KCNIP4: variants seen among roughly 807,000 people sequenced by gnomAD.
KCNIP4 encodes the protein potassium voltage-gated channel interacting protein 4, also known as Kv channel-interacting protein 4.
In KCNIP4, 12 loss-of-function variants were observed where a neutral mutation model predicts 34.0. That is an observed-to-expected ratio of 0.35 (90% CI 0.23 to 0.57). KCNIP4 has a LOEUF of 0.57. KCNIP4 is among the 20% of genes least tolerant of loss of function. The pLI is 0.83. For synonymous variants in KCNIP4, 124 were observed against 102.2 expected (o/e 1.21, Z -1.29); for missense variants, 238 against 311.7 (o/e 0.76, Z 1.78).
Position 21,503,607 on chromosome 4 carries a change from C to A in KCNIP4, c.61+444964G>T, listed in dbSNP as rs568244678. 1.3e-5 allele frequency among the ~76,000 whole-genome samples: 2 copies of A among 151,950 alleles called. 1 individual carries two copies. Among genetic ancestry groups the A allele is most frequent in the Admixed American group, 1.3e-4 (2 of 15,280 alleles). ...TTGGGATCTTTTTTTTTCTTTTCAC[C>A]AAAGGTAGTCAGTGGCTGAAATGTC... is the stretch of plus-strand genomic sequence containing the variant. On this transcript the variant is annotated intron_variant, in intron 1 of 8. Coordinates refer to ENST00000382152, the MANE Select transcript of KCNIP4 (RefSeq NM_025221.6).
intron 1 of KCNIP4, chr4:21,304,071 G>GAGAGAGAGAGAC: frequency 3.0e-6 from 1 of 336,726 alleles, no homozygotes. Flanking sequence ...GAGAGAGACA[G>GAGAGAGAGAGAC]AGAGAGAGAG....
intron 1 of KCNIP4, among the ~76,000 whole-genome samples, chr4:21,710,423 G>A (rs529281526): frequency 2.0e-5 from 3 of 152,284 alleles, no homozygotes; most frequent in South Asian, 2.1e-4. Flanking sequence ...AGGAAAATCA[G>A]TCAGGGAACA....
chr4:21,423,911 G>A (rs985204096), intron 1 of KCNIP4, among the ~76,000 whole-genome samples: 6 of 151,396 alleles, frequency 4.0e-5, no homozygotes, highest in Middle Eastern at 3.4e-3. Flanking sequence ...GGGTTCAAGC[G>A]ATTCTCCTGC....
rs1465021826 is a variant in KCNIP4, at chr4:20,900,876, G to C, written c.62-18167C>G. On this transcript the variant is annotated intron_variant, in intron 1 of 8. Transcript: ENST00000382152. ...CTGGAGAAAGCAATATTGTGTTCTC[G>C]AGCTAAAATTTCATAGGAAGCTTTT... Among the ~76,000 whole-genome samples the C allele has an allele frequency of 3.3e-5, 5 of 152,052 alleles. No homozygotes were observed. The South Asian group carries it at 8.3e-4, about 25-fold the overall frequency.
chr4:21,081,669 T>C (rs1031674452), intron 1 of KCNIP4, among the ~76,000 whole-genome samples: 13 of 151,894 alleles, frequency 8.6e-5, no homozygotes, highest in African/African-American at 2.4e-4. Context: ...TCTAGTATAA[T>C]ATTTTTATTT....
chr4:20,955,206 C>G (rs1214621193), intron 1 of KCNIP4, among the ~76,000 whole-genome samples: 3 of 152,170 alleles, frequency 2.0e-5, no homozygotes, highest in African/African-American at 7.2e-5. Flanking sequence ...TGACTAGCTT[C>G]TATGCCACTT....
intron 1 of KCNIP4, among the ~76,000 whole-genome samples, chr4:21,174,152 C>T (rs1560781492): frequency 6.6e-6 from 1 of 152,154 alleles, no homozygotes; most frequent in Admixed American, 6.5e-5. Flanking sequence ...TTTTGCCTCT[C>T]ATTTGAACAC....
chr4:21,637,388 C>G (rs1746266816), intron 1 of KCNIP4, among the ~76,000 whole-genome samples: 1 of 152,074 alleles, frequency 6.6e-6, no homozygotes, highest in Admixed American at 6.6e-5. Flanking sequence ...GGGTTTATGA[C>G]ATGACGAGCA....
chr4:21,894,246 G>C (rs563257710), intron 1 of KCNIP4, among the ~76,000 whole-genome samples: 2 of 152,144 alleles, frequency 1.3e-5, no homozygotes, highest in East Asian at 3.9e-4. Context: ...TGAGGCAGGA[G>C]GATCACTTGA....
At chr4:21,747,790 C>T (rs1178203272) in intron 1 of KCNIP4, among the ~76,000 whole-genome samples, 3 of 152,068 alleles carry the variant, frequency 2.0e-5, no homozygotes, top group African/African-American at 7.2e-5. Flanking sequence ...AGAATGTAAC[C>T]GTATTTGGAA....
intron 1 of KCNIP4, among the ~76,000 whole-genome samples, chr4:21,889,703 G>T (rs1726981688): frequency 6.6e-6 from 1 of 152,110 alleles, no homozygotes; most frequent in South Asian, 2.1e-4. Context: ...AAAAAACCTA[G>T]AACTAACAAT....
intron 1 of KCNIP4, among the ~76,000 whole-genome samples, chr4:21,397,865 G>A (rs1011909837): frequency 1.3e-5 from 2 of 149,418 alleles, no homozygotes; most frequent in African/African-American, 4.8e-5. Context: ...ATGGGTGATG[G>A]ACTATATGAT....
intron 1 of KCNIP4, among the ~76,000 whole-genome samples, chr4:20,974,110 C>T (rs961863863): frequency 1.1e-4 from 16 of 152,094 alleles, no homozygotes; most frequent in African/African-American, 3.9e-4. Flanking sequence ...TGTAAAAAGC[C>T]CATTATCTGC....
At chr4:21,355,441 T>A (rs1452504898) in intron 1 of KCNIP4, among the ~76,000 whole-genome samples, 3 of 151,904 alleles carry the variant, frequency 2.0e-5, no homozygotes, top group African/African-American at 7.3e-5. Flanking sequence ...AAGAATCAAA[T>A]AGACGCAATA....
intron 1 of KCNIP4, among the ~76,000 whole-genome samples, chr4:21,244,717 C>T (rs1017345586): frequency 3.3e-5 from 5 of 152,076 alleles, no homozygotes; most frequent in African/African-American, 9.7e-5. Context: ...TTCGTTGAAA[C>T]AATTAGAATA....
chr4:21,512,076 AGAAGGAAG>A lies in KCNIP4; in HGVS notation c.61+436487_61+436494del, dbSNP rs552706781. On this transcript the variant is annotated intron_variant, in intron 1 of 8. Transcript: ENST00000382152. ...AAGAATGAAGGAAGGAAGGAAGGAA[AGAAGGAAG>A]GAAGGAGGGAGGGAGGGAGGAAAAG... 2.3e-5 allele frequency among the ~76,000 whole-genome samples: 3 copies of A among 127,720 alleles called. 1 individual carries two copies. In the South Asian group the frequency reaches 7.7e-4, roughly 33 times the overall value. The allele number at this position is 127,720 out of a possible 152,430, so 83.8% of individuals were successfully genotyped here.
intron 1 of KCNIP4, among the ~76,000 whole-genome samples, chr4:21,715,269 C>T (rs1178249744): frequency 6.6e-6 from 1 of 151,306 alleles, no homozygotes; most frequent in Non-Finnish European, 1.5e-5. Context: ...GTACCTGGGA[C>T]TACAGGCGCC....
intron 1 of KCNIP4, among the ~76,000 whole-genome samples, chr4:21,043,353 G>T (rs6856517): frequency 0.13 from 19,915 of 152,030 alleles, 1,578 homozygotes; most frequent in African/African-American, 0.22. Context: ...TGTTTGAGAC[G>T]GAGTCTCACT....
At chr4:21,475,470 A>T (rs1222982487) in intron 1 of KCNIP4, among the ~76,000 whole-genome samples, 2 of 152,174 alleles carry the variant, frequency 1.3e-5, no homozygotes, top group Non-Finnish European at 2.9e-5. Flanking sequence ...CCCTCCACTC[A>T]CCGACTTTTC....
Sources: gnomAD v4.1 joint callset for allele counts (sites outside exome capture counted in the v4.1 genomes callset) on GRCh38, gnomAD v4.1.1 for gene constraint, MANE v1.5 for transcripts, NCBI Gene and HGNC (gene_info 2026-07-23, HGNC 2026-07-21) for gene names.